The following HMGN3 variants were observed in gnomAD, a reference collection of about 807,000 sequenced individuals.
The protein encoded by HMGN3 is high mobility group nucleosome-binding domain-containing protein 3.
Under a neutral mutation model 18.8 loss-of-function variants are expected in HMGN3, and 6 were observed. That is an observed-to-expected ratio of 0.32 (90% confidence interval 0.18 to 0.63). The LOEUF (loss-of-function observed/expected upper bound fraction) is 0.63, where lower values mean the gene tolerates loss of function less well. HMGN3 is among the 30% of genes least tolerant of loss of function. The probability of loss-of-function intolerance (pLI) is 0.79; values close to 1 mark genes in which losing one functional copy is unlikely to be tolerated. For missense variants in HMGN3, 107 were observed against 114.2 expected (o/e 0.94, Z 0.29); for synonymous variants, 40 against 36.5 (o/e 1.10, Z -0.35).
At chr6:79,210,516 C>T (rs942413378) in intron 2 of HMGN3, among the ~76,000 whole-genome samples, 1 of 152,184 alleles carries the variant, frequency 6.6e-6, no homozygotes, top group Non-Finnish European at 1.5e-5. Flanking sequence ...CCTCCTTGCA[C>T]AGGACCACCT....
At position 79,202,421 on chromosome 6, in the gene HMGN3, A is replaced by AT. The variant is rs1348143031; in HGVS notation, c.148-33dup. 3.3e-6 allele frequency: 5 copies of AT among 1,525,250 alleles called. No homozygotes were observed. In the African/African-American group the frequency reaches 6.8e-5, roughly 21 times the overall value. 94.5% of individuals were successfully genotyped at this position (1,525,250 alleles called of 1,614,324 possible). On this transcript the variant is annotated intron_variant, in intron 4 of 5. Coordinates refer to ENST00000344726, the Ensembl canonical transcript of HMGN3. ...GAGGATCAAAGCACAGTGAAAGAGA[A>AT]TGTTAGACACGGTGTGATGATGGCT...
chr6:79,218,008 A>G (rs1368816675), intron 1 of HMGN3, among the ~76,000 whole-genome samples: 3 of 152,378 alleles, frequency 2.0e-5, no homozygotes, highest in East Asian at 1.9e-4. Flanking sequence ...GTTTGAACCA[A>G]GAATGGTCAA....
intron 3 of HMGN3, 45 bp downstream of exon 3, chr6:79,208,502 A>G (rs773177043): frequency 1.1e-5 from 16 of 1,474,830 alleles, no homozygotes; most frequent in Non-Finnish European, 1.5e-5. Flanking sequence ...CAAAGGGAAC[A>G]TGTACTCATA....
intron 2 of HMGN3, among the ~76,000 whole-genome samples, chr6:79,208,906 G>T (rs1441148742): frequency 6.6e-6 from 1 of 152,170 alleles, no homozygotes; most frequent in Admixed American, 6.5e-5. Flanking sequence ...AAAATCAACA[G>T]CAAGAACATT....
chr6:79,227,122 C>T (rs1484593429), intron 1 of HMGN3, among the ~76,000 whole-genome samples: 2 of 152,050 alleles, frequency 1.3e-5, no homozygotes, highest in Non-Finnish European at 2.9e-5. Context: ...CCAAATTGTA[C>T]CCTGCAGGAA....
At chr6:79,206,986 T>C (rs1439088718) in intron 3 of HMGN3, among the ~76,000 whole-genome samples, 2 of 152,318 alleles carry the variant, frequency 1.3e-5, no homozygotes, top group Admixed American at 1.3e-4. Context: ...CTGTAGCCCC[T>C]ATGTTTTGGC....
chr6:79,234,506 A>C (rs1778047882), intron 1 of HMGN3, 40 bp downstream of exon 1: 1 of 1,603,278 alleles, frequency 6.2e-7, no homozygotes, highest in African/African-American at 1.3e-5. Flanking sequence ...CTGTAAGCAG[A>C]ATTTGAAGGC....
chr6:79,211,011 C>CAAAAAAAAAAAAAAAAAAA (rs59749044), intron 2 of HMGN3, among the ~76,000 whole-genome samples: 1 of 89,746 alleles, frequency 1.1e-5, no homozygotes, highest in Non-Finnish European at 2.1e-5. Flanking sequence ...GAAATTAATG[C>CAAAAAAAAAAAAAAAAAAA]AAAAAAAAAA....
At chr6:79,230,068 A>G (rs1777766018) in intron 1 of HMGN3, among the ~76,000 whole-genome samples, 1 of 152,196 alleles carries the variant, frequency 6.6e-6, no homozygotes, top group Non-Finnish European at 1.5e-5. Flanking sequence ...ATAAACAAAA[A>G]TGAGTATATC....
intron 1 of HMGN3, among the ~76,000 whole-genome samples, chr6:79,225,019 T>C (rs1044315696): frequency 6.6e-6 from 1 of 152,218 alleles, no homozygotes; most frequent in African/African-American, 2.4e-5. Flanking sequence ...GTAGTCAGAA[T>C]ATAGTTTGTT....
intron 2 of HMGN3, among the ~76,000 whole-genome samples, chr6:79,213,213 C>T (rs745601940): frequency 2.1e-4 from 32 of 151,928 alleles, no homozygotes; most frequent in Admixed American, 6.6e-4. Context: ...TCACCCACTC[C>T]AGCCTGGATG....
chr6:79,204,381 A>G (rs1182839937), intron 3 of HMGN3, among the ~76,000 whole-genome samples: 1 of 152,196 alleles, frequency 6.6e-6, no homozygotes, highest in Non-Finnish European at 1.5e-5. Flanking sequence ...AGTTCCCATG[A>G]GCAGCACCTG....
intron 2 of HMGN3, among the ~76,000 whole-genome samples, chr6:79,211,037 C>A: frequency 1.5e-5 from 2 of 135,272 alleles, no homozygotes; most frequent in Admixed American, 7.5e-5. Flanking sequence ...AAAAAAATGC[C>A]TAAGCTGTCT....
In HMGN3 at chr6:79,224,809, G is replaced by T. The variant is rs114518741; in HGVS notation, c.15+9737C>A. ...TATTGTTATAACAGGGCTCTTAAAA[G>T]AGATGTTACCAGATGGTTACTTTAT... On this transcript the variant is annotated intron_variant, in intron 1 of 5. Transcript: ENST00000344726. 3.6e-3 allele frequency among the ~76,000 whole-genome samples: 544 copies of T among 152,270 alleles called. 3 individuals are homozygous for T. The highest frequency in any genetic ancestry group is 0.011 in the African/African-American group (475 of 41,550).
At chr6:79,232,176 T>C (rs1271235001) in intron 1 of HMGN3, among the ~76,000 whole-genome samples, 1 of 152,240 alleles carries the variant, frequency 6.6e-6, no homozygotes, top group Non-Finnish European at 1.5e-5. Context: ...CTTTGGCAGT[T>C]ACCCCAGCTT....
At chr6:79,211,629 A>G (rs1776696527) in intron 2 of HMGN3, among the ~76,000 whole-genome samples, 2 of 152,136 alleles carry the variant, frequency 1.3e-5, no homozygotes, top group South Asian at 4.1e-4. Flanking sequence ...GAGGGCTTTT[A>G]GAATGAAAAG....
chr6:79,230,639 T>C (rs572566656), intron 1 of HMGN3, among the ~76,000 whole-genome samples: 24 of 152,220 alleles, frequency 1.6e-4, no homozygotes, highest in Non-Finnish European at 2.9e-4. Context: ...ACTTGAGTCT[T>C]CATTATTTTC....
At chr6:79,232,403 G>A (rs1280175695) in intron 1 of HMGN3, among the ~76,000 whole-genome samples, 1 of 152,126 alleles carries the variant, frequency 6.6e-6, no homozygotes, top group African/African-American at 2.4e-5. Context: ...TTAGGCTTCA[G>A]GTATAAATGG....
chr6:79,203,847 A>C (rs1262682509), intron 3 of HMGN3, among the ~76,000 whole-genome samples: 3 of 152,202 alleles, frequency 2.0e-5, no homozygotes, highest in African/African-American at 7.2e-5. Flanking sequence ...ACTGCAGGTG[A>C]GATTGAAAAG....
Sources: allele counts gnomAD v4.1 joint callset (sites outside exome capture counted in the v4.1 genomes callset), GRCh38; gene constraint gnomAD v4.1.1; transcripts MANE v1.5; gene names NCBI Gene and HGNC (gene_info 2026-07-23, HGNC 2026-07-21).